The following UBE2L3 variants were observed in gnomAD, a reference collection of about 807,000 sequenced individuals.
UBE2L3 encodes the protein ubiquitin conjugating enzyme E2 L3.
UBE2L3 carries 1 observed loss-of-function variant against 17.8 expected under a neutral mutation model. That is an observed-to-expected ratio of 0.06 (90% CI 0.02 to 0.27). The LOEUF is 0.27. Among genes scored for constraint, UBE2L3 ranks in the 10% least tolerant of loss-of-function variants. The pLI, the probability that UBE2L3 is intolerant of heterozygous loss-of-function variation, is 1.00. For missense variants in UBE2L3, 40 were observed against 192.6 expected (o/e 0.21, Z 4.69); for synonymous variants, 44 against 68.5 (o/e 0.64, Z 1.76).
intron 1 of UBE2L3, chr22:21,568,090 T>G: frequency 6.1e-6 from 7 of 1,152,448 alleles, no homozygotes; most frequent in East Asian, 4.7e-5. Context: ...GCGTCGTTAA[T>G]GTGAGAGCCC....
intron 3 of UBE2L3, chr22:21,614,666 G>C: frequency 1.5e-6 from 2 of 1,358,906 alleles, no homozygotes; most frequent in Non-Finnish European, 2.0e-6. Flanking sequence ...GTACAGAAAA[G>C]TAAGCATAAT....
upstream of UBE2L3, among the ~76,000 whole-genome samples, chr22:21,565,194 G>A (rs933610638): frequency 4.6e-5 from 7 of 151,968 alleles, no homozygotes; most frequent in East Asian, 7.9e-4. Context: ...CCGGGTTCAC[G>A]CCATTCTCCT....
chr22:21,567,795 G>A, intron 1 of UBE2L3, 24 bp downstream of exon 1: 1 of 1,574,014 alleles, frequency 6.4e-7, no homozygotes, highest in Non-Finnish European at 8.6e-7. Context: ...TCTGGCAGCG[G>A]CCGGGCGTGG....
At chr22:21,613,040 T>C (rs560760945) in intron 3 of UBE2L3, among the ~76,000 whole-genome samples, 1 of 152,326 alleles carries the variant, frequency 6.6e-6, no homozygotes, top group South Asian at 2.1e-4. Context: ...GAGTCATGTC[T>C]GTTAACCCAT....
intron 1 of UBE2L3, among the ~76,000 whole-genome samples, chr22:21,578,730 G>C (rs1466321990): frequency 6.6e-6 from 1 of 152,290 alleles, no homozygotes; most frequent in South Asian, 2.1e-4. Flanking sequence ...GTTGTGGGCA[G>C]TGCGTTCCTC....
At chr22:21,568,718 C>T (rs1311751916) in intron 1 of UBE2L3, among the ~76,000 whole-genome samples, 2 of 151,974 alleles carry the variant, frequency 1.3e-5, no homozygotes, top group Non-Finnish European at 2.9e-5. Context: ...GTAGTGCTGC[C>T]GGCCTGCAAC....
At chr22:21,598,688 G>A (rs375611197) in intron 2 of UBE2L3, among the ~76,000 whole-genome samples, 1 of 151,258 alleles carries the variant, frequency 6.6e-6, no homozygotes, top group African/African-American at 2.4e-5. Context: ...GCAGGACCCC[G>A]TCTCTATTTT....
upstream of UBE2L3, among the ~76,000 whole-genome samples, chr22:21,563,579 CTTT>C (rs536786477): frequency 7.5e-6 from 1 of 133,574 alleles, no homozygotes; most frequent in African/African-American, 2.8e-5. Flanking sequence ...AAAATTAATA[CTTT>C]TTTTTTTTTT....
chr22:21,572,704 G>A (rs1927048887), intron 1 of UBE2L3, among the ~76,000 whole-genome samples: 1 of 152,032 alleles, frequency 6.6e-6, no homozygotes, highest in African/African-American at 2.4e-5. Flanking sequence ...CCACAGAGAC[G>A]TTCCTCCTGA....
At chr22:21,587,407 C>T (rs979190032) in intron 1 of UBE2L3, among the ~76,000 whole-genome samples, 2 of 151,774 alleles carry the variant, frequency 1.3e-5, no homozygotes, top group Admixed American at 1.3e-4. Flanking sequence ...TCTCGATCTC[C>T]TGACCTCGTG....
At chr22:21,569,048 T>A (rs910901149) in intron 1 of UBE2L3, among the ~76,000 whole-genome samples, 1 of 152,182 alleles carries the variant, frequency 6.6e-6, no homozygotes, top group African/African-American at 2.4e-5. Context: ...TTTCCTACCC[T>A]ACTCCCAGGT....
At chr22:21,621,485 A>AC (rs745711446) in intron 3 of UBE2L3, 30 bp from the exon 4 acceptor site, 9 of 1,573,156 alleles carry the variant, frequency 5.7e-6, no homozygotes, top group Admixed American at 2.0e-5. Flanking sequence ...GACTGTGTTA[A>AC]CCCCCCATGC....
chr22:21,618,803 G>T (rs898831356), intron 3 of UBE2L3, among the ~76,000 whole-genome samples: 25 of 151,994 alleles, frequency 1.6e-4, no homozygotes, highest in Non-Finnish European at 2.9e-5. Context: ...TGTTGCCCAG[G>T]CCAGTCTCAG....
At chr22:21,583,828 T>G (rs1601408873) in intron 1 of UBE2L3, among the ~76,000 whole-genome samples, 1 of 152,222 alleles carries the variant, frequency 6.6e-6, no homozygotes, top group East Asian at 1.9e-4. Context: ...TCTTTCTTCT[T>G]TACTCATATA....
intron 1 of UBE2L3, among the ~76,000 whole-genome samples, chr22:21,580,359 T>A (rs994824350): frequency 3.3e-5 from 5 of 152,232 alleles, no homozygotes; most frequent in African/African-American, 9.6e-5. Flanking sequence ...AATGGCCTTA[T>A]AATTGACCAC....
At chr22:21,606,331 G>T (rs1203853070) in intron 2 of UBE2L3, among the ~76,000 whole-genome samples, 13 of 151,100 alleles carry the variant, frequency 8.6e-5, no homozygotes, top group African/African-American at 1.9e-4. Context: ...GTGTGTGTGT[G>T]GTGTGTGTGT....
intron 1 of UBE2L3, among the ~76,000 whole-genome samples, chr22:21,577,213 C>G (rs1927363893): frequency 6.6e-6 from 1 of 152,004 alleles, no homozygotes; most frequent in African/African-American, 2.4e-5. Flanking sequence ...CATGATCCAC[C>G]CACCTTGGCC....
chr22:21,556,402 A>C (rs73398495), intron 1 of UBE2L3, among the ~76,000 whole-genome samples: 10,015 of 151,412 alleles, frequency 0.066, 570 homozygotes, highest in African/African-American at 0.23. Flanking sequence ...CTAAAAAAAA[A>C]GTAAAATAAA....
chr22:21,604,892 G>T (rs1012754239), intron 2 of UBE2L3, among the ~76,000 whole-genome samples: 1 of 152,196 alleles, frequency 6.6e-6, no homozygotes, highest in Non-Finnish European at 1.5e-5. Context: ...AGTTCCCTGG[G>T]TGGTGAGAGG....
Sources: gnomAD v4.1 joint callset for allele counts (sites outside exome capture counted in the v4.1 genomes callset) on GRCh38, gnomAD v4.1.1 for gene constraint, MANE v1.5 for transcripts, NCBI Gene and HGNC (gene_info 2026-07-23, HGNC 2026-07-21) for gene names.